GDPD4: variants seen among roughly 807,000 people sequenced by gnomAD.
GDPD4 encodes the protein glycerophosphodiester phosphodiesterase domain containing 4.
A neutral mutation model predicts 67.8 loss-of-function variants in GDPD4; 60 were observed. The observed-to-expected ratio is 0.88, with a 90% CI of 0.72 to 1.10. The LOEUF is 1.10. GDPD4 is among the 50% of genes least tolerant of loss of function. The pLI is 0.00. For missense variants in GDPD4, 623 were observed against 613.9 expected, an observed-to-expected ratio of 1.01 and a Z score of -0.16; for synonymous variants, 212 against 210.9, an observed-to-expected ratio of 1.00 and a Z score of -0.04.
At position 77,265,506 on chromosome 11, in the gene GDPD4, G is replaced by C. The variant is rs547250304; in HGVS notation, c.707+2951C>G. 3.3e-5 allele frequency among the ~76,000 whole-genome samples: 5 copies of C among 152,068 alleles called. No homozygotes were observed. In the South Asian group the frequency reaches 1.0e-3, roughly 32 times the overall value. On this transcript the variant is annotated intron_variant, in intron 10 of 16. Coordinates refer to ENST00000315938, the MANE Select transcript of GDPD4 (RefSeq NM_182833.3). ...TTTGAGAGGATTGTAGATTCACATG[G>C]GTTTGTAAGAAATACAGAGAGATCC...
chr11:77,237,514 T>C (rs7104295), intron 13 of GDPD4, among the ~76,000 whole-genome samples: 41,377 of 152,012 alleles, frequency 0.27, 6,688 homozygotes, highest in South Asian at 0.45. Context: ...CAGGGGGACA[T>C]GAGAAGCTCA....
rs866075077 is a variant in GDPD4, at chr11:77,245,991, T to C, written c.865-489A>G. Among the ~76,000 whole-genome samples, 5 of 152,292 alleles carry C rather than the reference T, an allele frequency of 3.3e-5. No homozygotes were observed. The Middle Eastern group carries it at 0.014, about 414-fold the overall frequency. On this transcript the variant is annotated intron_variant, in intron 11 of 16. Coordinates refer to ENST00000315938, the MANE Select transcript of GDPD4 (RefSeq NM_182833.3). ...CCCTCATGAAGCTTTCCTTTAATCT[T>C]CCTGAACTAAAGAGACTTCAAGGCT...
intron 4 of GDPD4, among the ~76,000 whole-genome samples, chr11:77,278,013 C>G (rs1959572923): frequency 6.6e-6 from 1 of 151,922 alleles, no homozygotes; most frequent in Non-Finnish European, 1.5e-5. Context: ...CATTCAGGAG[C>G]AGGTTGTTCA....
intron 16 of GDPD4, among the ~76,000 whole-genome samples, chr11:77,223,930 G>A (rs1433242896): frequency 6.6e-6 from 1 of 152,222 alleles, no homozygotes; most frequent in East Asian, 1.9e-4. Flanking sequence ...CCAGGCTGTG[G>A]CCTTGCAGTT....
At chr11:77,297,223 G>A (rs1005161679) in intron 1 of GDPD4, among the ~76,000 whole-genome samples, 23 of 151,984 alleles carry the variant, frequency 1.5e-4, no homozygotes, top group African/African-American at 5.1e-4. Context: ...ATATTTTCCT[G>A]TATATTTTAA....
At chr11:77,283,969 C>T (rs562895201) in intron 3 of GDPD4, among the ~76,000 whole-genome samples, 184 of 151,700 alleles carry the variant, frequency 1.2e-3, no homozygotes, top group Non-Finnish European at 1.1e-3. Flanking sequence ...GATCCTCCCA[C>T]CTCAGCCTTC....
chr11:77,261,669 A>G (rs2729758), intron 10 of GDPD4, among the ~76,000 whole-genome samples: 24,490 of 152,158 alleles, frequency 0.16, 3,988 homozygotes, highest in African/African-American at 0.41. Context: ...CTGAAACGAG[A>G]CACAGCTGTT....
At chr11:77,235,007 C>CTTTTTTTTTTTTTT (rs1406558580) in intron 13 of GDPD4, among the ~76,000 whole-genome samples, 3 of 32,942 alleles carry the variant, frequency 9.1e-5, no homozygotes, top group Non-Finnish European at 2.0e-4. Flanking sequence ...TTGTCAATAT[C>CTTTTTTTTTTTTTT]TGTTTTTTTT....
chr11:77,290,367 A>T (rs1281991606), intron 1 of GDPD4, among the ~76,000 whole-genome samples: 2 of 152,228 alleles, frequency 1.3e-5, no homozygotes, highest in South Asian at 4.1e-4. Context: ...ATGTTAGGTC[A>T]CAAAACAAGT....
chr11:77,295,323 C>T (rs1357991877), intron 1 of GDPD4, among the ~76,000 whole-genome samples: 1 of 150,872 alleles, frequency 6.6e-6, no homozygotes, highest in East Asian at 2.0e-4. Context: ...TTAAATGGAT[C>T]ACAGACTTAA....
chr11:77,232,903 T>C (rs1432738640), intron 14 of GDPD4, 122 bp downstream of exon 14: 7 of 764,484 alleles, frequency 9.2e-6, no homozygotes, highest in Non-Finnish European at 1.5e-5. Context: ...ATCTCCAATA[T>C]TCATAGAAGT....
chr11:77,232,932 G>T, intron 14 of GDPD4, 93 bp downstream of exon 14: 2 of 1,138,478 alleles, frequency 1.8e-6, no homozygotes, highest in Non-Finnish European at 2.6e-6. Flanking sequence ...TTAAGTGGCT[G>T]CCCAGGGGAT....
At chr11:77,228,680 C>T (rs1432667936) in intron 15 of GDPD4, among the ~76,000 whole-genome samples, 1 of 151,814 alleles carries the variant, frequency 6.6e-6, no homozygotes, top group African/African-American at 2.4e-5. Context: ...AGACTGAGAC[C>T]CCATCTCAAA....
chr11:77,277,478 G>A (rs140806817), intron 4 of GDPD4, among the ~76,000 whole-genome samples: 3 of 133,262 alleles, frequency 2.3e-5, no homozygotes, highest in Non-Finnish European at 3.1e-5. Context: ...TCTCGGCTCA[G>A]TGCAAGCTCC....
intron 1 of GDPD4, among the ~76,000 whole-genome samples, chr11:77,294,085 GAACA>G (rs1224201649): frequency 2.0e-5 from 3 of 152,070 alleles, no homozygotes; most frequent in Non-Finnish European, 4.4e-5. Context: ...GACTAGAAAT[GAACA>G]AATAGAAGGT....
intron 11 of GDPD4, among the ~76,000 whole-genome samples, chr11:77,256,735 C>T (rs1258897282): frequency 1.3e-5 from 2 of 152,138 alleles, no homozygotes; most frequent in East Asian, 3.9e-4. Context: ...TGAAAAGAGC[C>T]TGGTACCTCC....
chr11:77,261,419 G>A (rs1206940346), intron 10 of GDPD4, among the ~76,000 whole-genome samples: 1 of 151,664 alleles, frequency 6.6e-6, no homozygotes, highest in Non-Finnish European at 1.5e-5. Context: ...TCTATTTTTA[G>A]TAGAGATGGG....
intron 1 of GDPD4, among the ~76,000 whole-genome samples, chr11:77,298,698 G>A (rs537611471): frequency 1.3e-5 from 2 of 152,036 alleles, no homozygotes; most frequent in Non-Finnish European, 2.9e-5. Context: ...CTTTAGGATC[G>A]GAAGGGTCTG....
intron 13 of GDPD4, among the ~76,000 whole-genome samples, chr11:77,241,501 G>A (rs1958663463): frequency 6.6e-6 from 1 of 152,020 alleles, no homozygotes; most frequent in Non-Finnish European, 1.5e-5. Context: ...AGCCAAGTGT[G>A]TTGGCATGTG....
Sources: gnomAD v4.1 joint callset for allele counts (sites outside exome capture counted in the v4.1 genomes callset) on GRCh38, gnomAD v4.1.1 for gene constraint, MANE v1.5 for transcripts, NCBI Gene and HGNC (gene_info 2026-07-23, HGNC 2026-07-21) for gene names.